TBC1D15: variants seen among roughly 807,000 people sequenced by gnomAD.
TBC1D15 encodes TBC1 domain family member 15, also known as GAP for RAB7.
Under a neutral mutation model 95.4 loss-of-function variants are expected in TBC1D15, and 39 were observed. That is an observed-to-expected ratio of 0.41 (90% confidence interval 0.32 to 0.53). TBC1D15 has a LOEUF of 0.53. TBC1D15 is among the 20% of genes least tolerant of loss of function. The pLI is 0.29. For missense variants in TBC1D15, 733 were observed against 794.3 expected (o/e 0.92, Z 0.93); for synonymous variants, 258 against 261.3 (o/e 0.99, Z 0.12).
chr12:71,852,006 T>C (rs1260203289), intron 1 of TBC1D15, among the ~76,000 whole-genome samples: 2 of 152,236 alleles, frequency 1.3e-5, no homozygotes, highest in East Asian at 3.9e-4. Flanking sequence ...TTAGAGGTTC[T>C]TCATGAGGAC....
intron 12 of TBC1D15, among the ~76,000 whole-genome samples, chr12:71,914,305 C>A (rs1361629168): frequency 2.0e-5 from 3 of 151,910 alleles, no homozygotes; most frequent in African/African-American, 7.2e-5. Context: ...AATATCCTTA[C>A]CTTTTGTGAA....
At chr12:71,906,589 G>A (rs1900762806) in intron 10 of TBC1D15, among the ~76,000 whole-genome samples, 1 of 150,592 alleles carries the variant, frequency 6.6e-6, no homozygotes. Flanking sequence ...CAGTAATTGT[G>A]AATGAAACAA....
intron 1 of TBC1D15, among the ~76,000 whole-genome samples, chr12:71,851,308 C>T (rs1343722689): frequency 6.6e-6 from 1 of 151,952 alleles, no homozygotes; most frequent in Non-Finnish European, 1.5e-5. Context: ...ACTATTACCT[C>T]CCCCCAGGCC....
At chr12:71,852,847 C>T (rs563143976) in intron 1 of TBC1D15, among the ~76,000 whole-genome samples, 8 of 152,298 alleles carry the variant, frequency 5.3e-5, no homozygotes, top group African/African-American at 1.7e-4. Context: ...TGGTCACAAC[C>T]GTTCAACCAG....
chr12:71,920,358 A>G (rs1465203510), intron 14 of TBC1D15, among the ~76,000 whole-genome samples: 1 of 152,156 alleles, frequency 6.6e-6, no homozygotes, highest in East Asian at 1.9e-4. Context: ...GTCTTTTCTC[A>G]GATCGAAGTG....
intron 1 of TBC1D15, among the ~76,000 whole-genome samples, chr12:71,851,990 G>T (rs765945320): frequency 1.4e-4 from 22 of 152,322 alleles, no homozygotes; most frequent in African/African-American, 4.1e-4. Flanking sequence ...CCTCCTCACT[G>T]CCCTATTAGA....
intron 10 of TBC1D15, among the ~76,000 whole-genome samples, chr12:71,903,254 A>G (rs1054289143): frequency 6.6e-6 from 1 of 152,112 alleles, no homozygotes. Flanking sequence ...CTGCCAACCA[A>G]CATATGAAAA....
chr12:71,894,588 C>T lies in TBC1D15; in HGVS notation c.658-98C>T. ...GAACACTCTGTTTTAGTCCTGATTT[C>T]TTTTCTTTTAAAAAGCTTTGCTTTT... On this transcript the variant is annotated intron_variant, in intron 6 of 16. Coordinates refer to ENST00000485960, the MANE Select transcript of TBC1D15 (RefSeq NM_001146213.3). 4 of 1,202,842 alleles carry T rather than the reference C, an allele frequency of 3.3e-6. No individual in the cohort carries two copies. The South Asian group carries it at 6.1e-5, about 18-fold the overall frequency. The allele number at this position is 1,202,842 out of a possible 1,614,324, so 74.5% of individuals were successfully genotyped here.
At chr12:71,893,382 A>G (rs1342168076) in intron 6 of TBC1D15, 58 bp downstream of exon 6, 28 of 1,170,546 alleles carry the variant, frequency 2.4e-5, no homozygotes, top group Non-Finnish European at 3.2e-5. Flanking sequence ...TATACCCTGT[A>G]CTTCTCATCT....
chr12:71,874,478 T>C (rs1039631510), intron 3 of TBC1D15, among the ~76,000 whole-genome samples: 3 of 152,212 alleles, frequency 2.0e-5, no homozygotes, highest in African/African-American at 7.2e-5. Context: ...TTTGGAAGTT[T>C]GTGGAATTTT....
In TBC1D15 at chr12:71,923,219, T is replaced by C. The variant is rs1400579952; in HGVS notation, c.*15T>C. 6 of 1,608,890 alleles carry C rather than the reference T, an allele frequency of 3.7e-6. No homozygotes were observed. Among genetic ancestry groups the C allele is most frequent in the Non-Finnish European group, 4.3e-6 (5 of 1,176,200 alleles). On this transcript the variant is annotated 3_prime_UTR_variant, in exon 17 of 17. Transcript: ENST00000485960. ...CACCTGCATGATCACTGTTCTTGCTTTTTTGGGAAGAGACACTTTGTTGCA... is the reference window on the plus strand; with the variant it reads ...CACCTGCATGATCACTGTTCTTGCTCTTTTGGGAAGAGACACTTTGTTGCA...
Position 71,872,124 on chromosome 12 carries a change from G to T in TBC1D15, c.85G>T (p.Asp29Tyr). The T allele has an allele frequency of 6.3e-7, 1 of 1,580,508 alleles. No individual in the cohort carries two copies. Among genetic ancestry groups the T allele is most frequent in the East Asian group, 2.3e-5 (1 of 42,982 alleles). Residue 29 changes from aspartate to tyrosine, a missense_variant, in exon 2 of 17, where the codon GAC becomes TAC. Asp to Tyr is a radical substitution (Grantham distance 160). Coordinates refer to ENST00000485960, the MANE Select transcript of TBC1D15 (RefSeq NM_001146213.3). ...TCACTCATCTTGTGGAAAGACCAAT[G>T]ACCAAGACGGCTTGATTTCAGGAAT... ...YIHSSCGKTNDQDGLISGILR... is the reference protein window; with the variant it reads ...YIHSSCGKTNYQDGLISGILR...
intron 3 of TBC1D15, among the ~76,000 whole-genome samples, chr12:71,874,993 T>C (rs560473113): frequency 6.6e-6 from 1 of 152,020 alleles, no homozygotes; most frequent in Non-Finnish European, 1.5e-5. Context: ...CAGGCTGGAG[T>C]GCATGGTGTG....
intron 12 of TBC1D15, among the ~76,000 whole-genome samples, chr12:71,916,975 T>C (rs1903851247): frequency 6.6e-6 from 1 of 151,718 alleles, no homozygotes. Flanking sequence ...TATTTATTAA[T>C]TCATTAAATA....
At chr12:71,843,109 ACT>A (rs1448629651) in intron 1 of TBC1D15, among the ~76,000 whole-genome samples, 1 of 151,408 alleles carries the variant, frequency 6.6e-6, no homozygotes, top group African/African-American at 2.4e-5. Context: ...GCATGGTGAA[ACT>A]CTGTCTTTAC....
At chr12:71,852,925 T>C (rs1432615255) in intron 1 of TBC1D15, among the ~76,000 whole-genome samples, 1 of 152,218 alleles carries the variant, frequency 6.6e-6, no homozygotes, top group African/African-American at 2.4e-5. Flanking sequence ...TTCTGACCTC[T>C]GTCTGTTACC....
intron 16 of TBC1D15, 120 bp downstream of exon 16, chr12:71,921,574 A>G: frequency 2.0e-6 from 1 of 492,398 alleles, no homozygotes; most frequent in Non-Finnish European, 3.5e-6. Flanking sequence ...GGCACAAAGT[A>G]TTGGCTGGCT....
intron 11 of TBC1D15, among the ~76,000 whole-genome samples, chr12:71,910,662 T>C (rs530933444): frequency 4.1e-4 from 63 of 152,280 alleles, no homozygotes; most frequent in Non-Finnish European, 6.6e-4. Context: ...GGCTCTCTGT[T>C]TGTCTGTTAT....
intron 5 of TBC1D15, among the ~76,000 whole-genome samples, chr12:71,892,971 C>T (rs531975303): frequency 6.6e-6 from 1 of 151,664 alleles, no homozygotes; most frequent in African/African-American, 2.4e-5. Context: ...AATAAAAATA[C>T]ACTTTATATT....
Sources: gnomAD v4.1 joint callset for allele counts (sites outside exome capture counted in the v4.1 genomes callset) on GRCh38, gnomAD v4.1.1 for gene constraint, MANE v1.5 for transcripts, NCBI Gene and HGNC (gene_info 2026-07-23, HGNC 2026-07-21) for gene names.